The following HLA-DRB5 variants were observed in gnomAD, a reference collection of about 807,000 sequenced individuals.
The protein encoded by HLA-DRB5 is major histocompatibility complex, class II, DR beta 5, also known as DR beta-5.
Under a neutral mutation model 22.4 loss-of-function variants are expected in HLA-DRB5, and 11 were observed. That is an observed-to-expected ratio of 0.49 (90% CI 0.31 to 0.81). The LOEUF (loss-of-function observed/expected upper bound fraction) is 0.81, where lower values mean the gene tolerates loss of function less well. HLA-DRB5 is among the 40% of genes least tolerant of loss of function. The pLI is 0.05. For missense variants in HLA-DRB5, 106 were observed against 274.4 expected (o/e 0.39, Z 4.34); for synonymous variants, 57 against 106.0 (o/e 0.54, Z 2.84).
chr6:32,523,571 T>G (rs1769219820), intron 1 of HLA-DRB5, among the ~76,000 whole-genome samples: 1 of 62,944 alleles, frequency 1.6e-5, no homozygotes, highest in Non-Finnish European at 3.3e-5. Context: ...GCATCACTAT[T>G]TGTGACTTAT....
At chr6:32,521,869 C>A in intron 2 of HLA-DRB5, 36 bp downstream of exon 2, 1 of 992,608 alleles carries the variant, frequency 1.0e-6, no homozygotes, top group South Asian at 1.4e-5. Flanking sequence ...ATTCCCAGCT[C>A]ACAAGGACCC....
chr6:32,529,922 G>T (rs1361289432), intron 1 of HLA-DRB5, among the ~76,000 whole-genome samples: 5,426 of 108,560 alleles, frequency 0.05, no homozygotes, highest in East Asian at 0.088. Context: ...GACCTGTATG[G>T]AGGCCCCTTA....
Position 32,522,102 on chromosome 6 carries a change from CTGTG to C in HLA-DRB5, c.169_172del (p.His57GlufsTer22), listed in dbSNP as rs754193414. ...GTCCTCCTCTTGGTTATAGATGTCTCTGTGCAGGAACCGCACCCGCTCCGTCCCG... is the reference window on the plus strand; with the variant it reads ...GTCCTCCTCTTGGTTATAGATGTCTCCAGGAACCGCACCCGCTCCGTCCCG... On this transcript the variant is annotated frameshift_variant, in exon 2 of 6. Coordinates refer to ENST00000374975, the MANE Select transcript of HLA-DRB5 (RefSeq NM_002125.4). LOFTEE classifies it high-confidence loss of function. 55 of 1,125,644 alleles carry C rather than the reference CTGTG, an allele frequency of 4.9e-5. 1 individual carries two copies. The South Asian group carries it at 6.2e-4, about 13-fold the overall frequency. 69.7% of individuals were successfully genotyped at this position (1,125,644 alleles called of 1,614,324 possible).
intron 3 of HLA-DRB5, among the ~76,000 whole-genome samples, chr6:32,518,975 CTGATAT>C (rs201764379): frequency 0.029 from 2,474 of 86,568 alleles, 151 homozygotes; most frequent in East Asian, 0.13. Flanking sequence ...AAAGGCAGAG[CTGATAT>C]TGGACTCCCC....
intron 1 of HLA-DRB5, among the ~76,000 whole-genome samples, chr6:32,524,291 AC>A (rs566673025): frequency 0.42 from 45,351 of 107,250 alleles, 13,237 homozygotes; most frequent in African/African-American, 0.53. Context: ...CCAACCAGTC[AC>A]CAAATCATAT....
chr6:32,524,796 C>G (rs117499551), intron 1 of HLA-DRB5, among the ~76,000 whole-genome samples: 3 of 86,682 alleles, frequency 3.5e-5, no homozygotes, highest in Non-Finnish European at 4.7e-5. Flanking sequence ...ATGTGTCCCA[C>G]TTAGGGTTGA....
intron 1 of HLA-DRB5, among the ~76,000 whole-genome samples, chr6:32,525,185 C>T (rs1163454648): frequency 1.4e-5 from 1 of 71,648 alleles, no homozygotes; most frequent in East Asian, 4.1e-4. Flanking sequence ...GAAAAACTCT[C>T]ATATTCTAGA....
At chr6:32,521,507 C>T (rs1280346234) in intron 2 of HLA-DRB5, among the ~76,000 whole-genome samples, 2,311 of 111,676 alleles carry the variant, frequency 0.021, no homozygotes, top group East Asian at 0.05. Context: ...AGCTCTCCTC[C>T]CCTAAACCTT....
chr6:32,522,776 T>C (rs530598167), intron 1 of HLA-DRB5, among the ~76,000 whole-genome samples: 1 of 40,014 alleles, frequency 2.5e-5, no homozygotes, highest in Non-Finnish European at 5.1e-5. Context: ...CACAGAGTAA[T>C]AGGATGATCT....
chr6:32,521,306 A>C (rs112428690), intron 2 of HLA-DRB5, among the ~76,000 whole-genome samples: 64,648 of 98,064 alleles, frequency 0.66, 21,486 homozygotes, highest in Middle Eastern at 0.8. Flanking sequence ...AACAGAAAAA[A>C]TAGCAAGAAA....
At chr6:32,524,552 C>T in intron 1 of HLA-DRB5, among the ~76,000 whole-genome samples, 1 of 66,400 alleles carries the variant, frequency 1.5e-5, no homozygotes, top group South Asian at 4.2e-4. Flanking sequence ...CGTTCTCATA[C>T]AGACAGTTTA....
rs186098444 is a variant in HLA-DRB5 at position 32,520,022 on chromosome 6, C to T, written c.371-371G>A. On this transcript the variant is annotated intron_variant, in intron 2 of 5. Coordinates refer to ENST00000374975, the MANE Select transcript of HLA-DRB5 (RefSeq NM_002125.4). ...ATGCTGGAAGAGTTTTTCGATTCTTCTGTGTCTCAACTTTCTCACCCATAA... is the reference window on the plus strand; with the variant it reads ...ATGCTGGAAGAGTTTTTCGATTCTTTTGTGTCTCAACTTTCTCACCCATAA... 2.7e-3 allele frequency among the ~76,000 whole-genome samples: 104 copies of T among 38,874 alleles called. 7 individuals are homozygous for T. Among genetic ancestry groups the T allele is most frequent in the Admixed American group, 4.9e-3 (14 of 2,884 alleles). 25.5% of individuals were successfully genotyped at this position (38,874 alleles called of 152,430 possible).
chr6:32,524,796 C>T (rs117499551), intron 1 of HLA-DRB5, among the ~76,000 whole-genome samples: 83 of 86,484 alleles, frequency 9.6e-4, no homozygotes, highest in East Asian at 2.5e-3. Flanking sequence ...ATGTGTCCCA[C>T]TTAGGGTTGA....
chr6:32,519,016 TCTC>T (rs1421872516), intron 3 of HLA-DRB5, among the ~76,000 whole-genome samples: 3 of 104,430 alleles, frequency 2.9e-5, no homozygotes, highest in African/African-American at 6.5e-5. Flanking sequence ...CCCCTACACT[TCTC>T]CTCTTCCCAG....
chr6:32,520,555 T>G (rs1269236572), intron 2 of HLA-DRB5, among the ~76,000 whole-genome samples: 19,174 of 73,820 alleles, frequency 0.26, 29 homozygotes, highest in Admixed American at 0.31. Context: ...ATACTATCAT[T>G]GTAAAATAAT....
At chr6:32,525,897 T>C (rs868654179) in intron 1 of HLA-DRB5, among the ~76,000 whole-genome samples, 209 of 41,290 alleles carry the variant, frequency 5.1e-3, no homozygotes, top group Middle Eastern at 0.037. Context: ...CTAATAAATA[T>C]GGGCTGTGTG....
intron 2 of HLA-DRB5, among the ~76,000 whole-genome samples, chr6:32,521,449 A>T (rs182420043): frequency 8.9e-6 from 1 of 112,422 alleles, no homozygotes; most frequent in Non-Finnish European, 1.9e-5. Flanking sequence ...TGCCAGGGAC[A>T]GTCTGGAACT....
intron 1 of HLA-DRB5, among the ~76,000 whole-genome samples, chr6:32,528,117 C>A (rs112846554): frequency 0.094 from 3,780 of 40,398 alleles, 29 homozygotes; most frequent in Middle Eastern, 0.15. Context: ...ACTTTCGTCC[C>A]TTAGATCTTC....
At chr6:32,523,802 T>C (rs1472160452) in intron 1 of HLA-DRB5, among the ~76,000 whole-genome samples, 1 of 86,338 alleles carries the variant, frequency 1.2e-5, no homozygotes. Context: ...GCTGAGTGTA[T>C]AAAAGATGTG....
Sources: allele counts gnomAD v4.1 joint callset (sites outside exome capture counted in the v4.1 genomes callset), GRCh38; gene constraint gnomAD v4.1.1; transcripts MANE v1.5; gene names NCBI Gene and HGNC (gene_info 2026-07-23, HGNC 2026-07-21).